BCL11A: variants seen among roughly 807,000 people sequenced by gnomAD.
BCL11A encodes the protein B cell CLL/lymphoma 11A.
A neutral mutation model predicts 55.9 loss-of-function variants in BCL11A; 2 were observed. The observed-to-expected ratio is 0.04, with a 90% confidence interval of 0.01 to 0.11. The LOEUF is 0.11. Ranked by LOEUF, BCL11A falls within the 10% of genes least tolerant of loss-of-function variation. BCL11A has a pLI of 1.00. For synonymous variants in BCL11A, 465 were observed against 473.4 expected (o/e 0.98, Z 0.23); for missense variants, 817 against 1,137.1 (o/e 0.72, Z 4.05).
Position 60,458,750 on chromosome 2 carries a change from T to C in BCL11A, c.*1654A>G. 1 of 1,033,604 alleles carries C rather than the reference T, an allele frequency of 9.7e-7. No individual in the cohort carries two copies. The highest frequency in any genetic ancestry group is 1.2e-6 in the Non-Finnish European group (1 of 858,404). The allele number at this position is 1,033,604 out of a possible 1,614,324, so 64.0% of individuals were successfully genotyped here. A position where few individuals can be genotyped will look rare whatever the true frequency, so the allele number is the denominator to read the frequency against. On this transcript the variant is annotated 3_prime_UTR_variant, in exon 4 of 4. Coordinates refer to ENST00000642384, the MANE Select transcript of BCL11A (RefSeq NM_022893.4). ...TAATTGTCCTATCTGAGCAGGTTTA[T>C]TTTATACTCAACCTCTGTATCTCTG...
At chr2:60,479,849 A>T (rs1677853914) in intron 2 of BCL11A, among the ~76,000 whole-genome samples, 1 of 152,176 alleles carries the variant, frequency 6.6e-6, no homozygotes, top group South Asian at 2.1e-4. Flanking sequence ...TTTTGATTTT[A>T]TTTTATTTTC....
rs769878805 is a variant in BCL11A at position 60,546,077 on chromosome 2, T to A, written c.279A>T (p.Lys93Asn). 1 of 1,614,130 alleles carries A rather than the reference T, an allele frequency of 6.2e-7. No individual in the cohort carries two copies. The highest frequency in any genetic ancestry group is 1.3e-5 in the African/African-American group (1 of 74,942). ...CAACCTCCACGGGATTGGATGCTTT[T>A]TTCATCTCGATTGGTGAAGGGGAAG... ...KPPSPSPIEM[K>N]KASNPVEVGI... The change falls in exon 2 of 4, where the codon AAA becomes AAT. Residue 93 changes from lysine to asparagine, a missense_variant. Coordinates refer to ENST00000642384, the MANE Select transcript of BCL11A (RefSeq NM_022893.4). The surrounding 1 kb of genome is among the most constrained non-coding windows in gnomAD (Gnocchi z 4.1).
At chr2:60,500,883 A>G (rs1275077494) in intron 2 of BCL11A, among the ~76,000 whole-genome samples, 1 of 152,206 alleles carries the variant, frequency 6.6e-6, no homozygotes, top group East Asian at 1.9e-4. Flanking sequence ...TAAAATGTGT[A>G]TGATGACATT....
chr2:60,502,081 G>T (rs1262487893), intron 2 of BCL11A, among the ~76,000 whole-genome samples: 1 of 152,220 alleles, frequency 6.6e-6, no homozygotes, highest in Non-Finnish European at 1.5e-5. Context: ...CCACAGAGAA[G>T]CTGTACCACC....
intron 2 of BCL11A, among the ~76,000 whole-genome samples, chr2:60,480,838 C>G (rs563261238): frequency 6.6e-6 from 1 of 152,260 alleles, no homozygotes; most frequent in South Asian, 2.1e-4. Context: ...CCACATTTTC[C>G]TCTATTCTCA....
downstream of BCL11A, among the ~76,000 whole-genome samples, chr2:60,455,403 T>C (rs1675893617): frequency 6.6e-6 from 1 of 152,220 alleles, no homozygotes; most frequent in African/African-American, 2.4e-5. Context: ...ATAAGTGATA[T>C]CATGTTGGCT....
At chr2:60,507,073 T>C (rs1049447252) in intron 2 of BCL11A, among the ~76,000 whole-genome samples, 1 of 151,990 alleles carries the variant, frequency 6.6e-6, no homozygotes, top group Non-Finnish European at 1.5e-5. Context: ...CTAACTCTAA[T>C]TTTTGTTCTG....
intron 2 of BCL11A, among the ~76,000 whole-genome samples, chr2:60,523,368 T>C (rs1012265858): frequency 6.6e-6 from 1 of 152,170 alleles, no homozygotes; most frequent in Non-Finnish European, 1.5e-5. Flanking sequence ...TTCAGATAAA[T>C]AGTATGGAGA....
intron 2 of BCL11A, among the ~76,000 whole-genome samples, chr2:60,491,679 A>G (rs1678642382): frequency 8.3e-6 from 1 of 120,422 alleles, no homozygotes; most frequent in Non-Finnish European, 1.8e-5. Flanking sequence ...CTCACCAAAA[A>G]AAGAAAAAAG....
chr2:60,461,884 A>G lies in BCL11A; in HGVS notation c.1028T>C (p.Leu343Pro), dbSNP rs1676319816. The G allele has an allele frequency of 1.9e-6, 3 of 1,613,954 alleles. No homozygotes were observed. In the African/African-American group the frequency reaches 4.0e-5, roughly 22 times the overall value. ...PGRPSPMQRLLQPFQPGSKPP... is the reference protein window; with the variant it reads ...PGRPSPMQRLPQPFQPGSKPP... The stretch of plus-strand genomic sequence containing the variant: ...CTTGCTACCTGGCTGGAATGGTTGC[A>G]GTAACCTTTGCATAGGGCTGGGCCG... Residue 343 changes from leucine (L) to proline (P), a missense_variant, in exon 4 of 4, where the codon CTG (leucine) becomes CCG (proline). This residue lies in a region of BCL11A where 363 missense variants were observed against 486.6 expected (regional missense o/e 0.75). Coordinates refer to ENST00000642384, the MANE Select transcript of BCL11A (RefSeq NM_022893.4).
intron 1 of BCL11A, 152 bp downstream of exon 1, chr2:60,553,064 C>T (rs1670487893): frequency 8.2e-6 from 6 of 734,106 alleles, no homozygotes; most frequent in Non-Finnish European, 1.2e-5. Flanking sequence ...TTTTTTCCCC[C>T]TTTATCTCTT....
intron 2 of BCL11A, among the ~76,000 whole-genome samples, chr2:60,519,233 G>C (rs921327555): frequency 6.6e-6 from 1 of 152,182 alleles, no homozygotes; most frequent in African/African-American, 2.4e-5. Flanking sequence ...TGCATGCTCT[G>C]TCTATGGGTA....
intron 2 of BCL11A, among the ~76,000 whole-genome samples, chr2:60,494,673 A>G (rs1678843777): frequency 6.6e-6 from 1 of 152,226 alleles, no homozygotes; most frequent in African/African-American, 2.4e-5. Context: ...CATCCGTAAA[A>G]TAGGAATAAT....
At chr2:60,505,496 G>C (rs753423615) in intron 2 of BCL11A, among the ~76,000 whole-genome samples, 1 of 152,208 alleles carries the variant, frequency 6.6e-6, no homozygotes, top group African/African-American at 2.4e-5. Flanking sequence ...GGGAACAAGC[G>C]GGTGCTTTCC....
At chr2:60,525,691 G>T (rs1669171694) in intron 2 of BCL11A, 1 of 152,200 alleles carries the variant, frequency 6.6e-6, no homozygotes, top group African/African-American at 2.4e-5. Context: ...GCTAACAGGT[G>T]AAGGGAGCCC....
intron 2 of BCL11A, among the ~76,000 whole-genome samples, chr2:60,470,162 T>C (rs983199516): frequency 1.3e-5 from 2 of 152,104 alleles, no homozygotes; most frequent in African/African-American, 4.8e-5. Context: ...GGTCTGCTGT[T>C]ACCAGGCCTG....
chr2:60,531,013 T>C (rs530102408), intron 2 of BCL11A, among the ~76,000 whole-genome samples: 1 of 152,358 alleles, frequency 6.6e-6, no homozygotes, highest in African/African-American at 2.4e-5. Context: ...GGCTACACCA[T>C]GGCCAGGGAG....
At position 60,546,164 on chromosome 2, in the gene BCL11A, G is replaced by T; in HGVS notation, c.192C>A (p.Ile64=). 6.2e-7 allele frequency: 1 copy of T among 1,614,158 alleles called. No individual in the cohort carries two copies. The highest frequency in any genetic ancestry group is 8.5e-7 in the Non-Finnish European group (1 of 1,180,026). Residue 64 remains isoleucine, a synonymous_variant, in exon 2 of 4, where the codon ATC becomes ATA. Transcript: ENST00000642384. The surrounding 1 kb of genome is among the most constrained non-coding windows in gnomAD (Gnocchi z 4.1). ...NFPLGDILIF[I]EHKRKQCNGS... ...CATTGCATTGTTTCCGTTTGTGCTC[G>T]ATAAAAATAAGAATGTCCCCCAATG...
Position 60,460,402 on chromosome 2 carries a change from C to G in BCL11A, c.*2G>C. 1 of 1,590,800 alleles carries G rather than the reference C, an allele frequency of 6.3e-7. No individual in the cohort carries two copies. Among genetic ancestry groups the G allele is most frequent in the Non-Finnish European group, 8.6e-7 (1 of 1,163,666 alleles). On this transcript the variant is annotated 3_prime_UTR_variant, in exon 4 of 4. Transcript: ENST00000642384. The stretch of plus-strand genomic sequence containing the variant: ...GAGTGAGGGAGGGGTATTAATATAC[C>G]TCTATTCAGTTTTTATATCATTATT...
Sources: gnomAD v4.1 joint callset for allele counts (sites outside exome capture counted in the v4.1 genomes callset) on GRCh38, gnomAD v4.1.1 for gene constraint, gnomAD v4.1.1 regional missense constraint, Gnocchi (gnomAD v3.1) non-coding constraint, MANE v1.5 for transcripts, NCBI Gene and HGNC (gene_info 2026-07-23, HGNC 2026-07-21) for gene names.